CCDC30: variants seen among roughly 807,000 people sequenced by gnomAD.
CCDC30 encodes coiled-coil domain-containing protein 30.
CCDC30 carries 70 observed loss-of-function variants against 100.2 expected under a neutral mutation model. The ratio of observed to expected loss-of-function variants is 0.70; its 90% confidence interval spans 0.58 to 0.85. The LOEUF (loss-of-function observed/expected upper bound fraction) is 0.85, where lower values mean the gene tolerates loss of function less well. Among genes scored for constraint, CCDC30 ranks in the 40% least tolerant of loss-of-function variants. The probability of loss-of-function intolerance (pLI) is 0.00; values close to 1 mark genes in which losing one functional copy is unlikely to be tolerated. For missense variants in CCDC30, 652 were observed against 771.2 expected (o/e 0.85, Z 1.83); for synonymous variants, 233 against 269.5 (o/e 0.86, Z 1.33).
intron 6 of CCDC30, among the ~76,000 whole-genome samples, chr1:42,520,739 C>T (rs12023747): frequency 0.25 from 35,257 of 143,614 alleles, 4,564 homozygotes; most frequent in South Asian, 0.43. Context: ...CTCCTGGGTT[C>T]ATGCCATTCT....
At chr1:42,524,551 CT>C (rs1446003494) in intron 6 of CCDC30, among the ~76,000 whole-genome samples, 1 of 151,566 alleles carries the variant, frequency 6.6e-6, no homozygotes, top group Non-Finnish European at 1.5e-5. Flanking sequence ...CCACCTGACT[CT>C]GTCTGTACCT....
At chr1:42,588,459 T>C (rs921330910) in intron 9 of CCDC30, among the ~76,000 whole-genome samples, 3 of 152,190 alleles carry the variant, frequency 2.0e-5, no homozygotes, top group African/African-American at 4.8e-5. Flanking sequence ...GAAGCTTATA[T>C]ACCCATTTCC....
intron 10 of CCDC30, among the ~76,000 whole-genome samples, chr1:42,607,732 A>G (rs1411644195): frequency 6.6e-6 from 1 of 152,156 alleles, no homozygotes; most frequent in Non-Finnish European, 1.5e-5. Flanking sequence ...AGGGATATCT[A>G]TGAAGCTTCT....
intron 11 of CCDC30, among the ~76,000 whole-genome samples, chr1:42,629,400 T>C (rs1646991689): frequency 6.6e-6 from 1 of 152,232 alleles, no homozygotes; most frequent in Admixed American, 6.5e-5. Context: ...GCCAGACATA[T>C]TGGAGTTCTA....
At chr1:42,545,161 TTA>T (rs1491558696) in intron 6 of CCDC30, among the ~76,000 whole-genome samples, 1,075 of 64,872 alleles carry the variant, frequency 0.017, 42 homozygotes, top group East Asian at 0.036. Flanking sequence ...AAAAATACCT[TTA>T]AAAAAAAAAA....
chr1:42,522,814 A>G (rs913161360), intron 6 of CCDC30, among the ~76,000 whole-genome samples: 21 of 152,204 alleles, frequency 1.4e-4, no homozygotes, highest in Non-Finnish European at 1.5e-5. Flanking sequence ...TCTTAAATAT[A>G]TTCTTTCTTA....
At chr1:42,601,773 A>G (rs1046962364) in intron 10 of CCDC30, among the ~76,000 whole-genome samples, 4 of 152,230 alleles carry the variant, frequency 2.6e-5, no homozygotes, top group African/African-American at 9.6e-5. Context: ...GAAGACAAAG[A>G]TGTAAGCCCA....
Position 42,550,844 on chromosome 1 carries a change from T to C in CCDC30, c.457-15452T>C, listed in dbSNP as rs984382259. 1.1e-4 allele frequency among the ~76,000 whole-genome samples: 16 copies of C among 152,318 alleles called. No homozygotes were observed. The South Asian group carries it at 3.3e-3, about 32-fold the overall frequency. On this transcript the variant is annotated intron_variant, in intron 6 of 16. Transcript: ENST00000668663. ...AGTAGTGCTTGTCATATAGTTGATA[T>C]TCAACATATATTTGACAAATAAATG... is the stretch of plus-strand genomic sequence containing the variant.
At chr1:42,460,812 GA>G (rs1643390760), upstream of CCDC30, among the ~76,000 whole-genome samples, 1 of 152,208 alleles carries the variant, frequency 6.6e-6, no homozygotes, top group Non-Finnish European at 1.5e-5. Context: ...TTATTGTGAG[GA>G]TCAAATGAAA....
chr1:42,593,012 G>T (rs72953761), intron 10 of CCDC30: 1 of 152,122 alleles, frequency 6.6e-6, no homozygotes, highest in Non-Finnish European at 1.5e-5. Context: ...CCAGTTATGT[G>T]AGTTTTTCCC....
intron 4 of CCDC30, among the ~76,000 whole-genome samples, chr1:42,491,486 G>T (rs553111173): frequency 9.6e-5 from 14 of 146,388 alleles, no homozygotes; most frequent in Non-Finnish European, 1.8e-4. Context: ...TTCAGTGGGA[G>T]GTGGGGAATG....
intron 1 of CCDC30, among the ~76,000 whole-genome samples, chr1:42,480,027 G>T (rs929292815): frequency 6.6e-6 from 1 of 152,132 alleles, no homozygotes; most frequent in Non-Finnish European, 1.5e-5. Flanking sequence ...CCGAGTAACT[G>T]ATGGCTAGGC....
intron 6 of CCDC30, among the ~76,000 whole-genome samples, chr1:42,546,402 ATATATATATATATATATAT>A (rs1201753639): frequency 0.23 from 5,959 of 25,716 alleles, 916 homozygotes; most frequent in African/African-American, 0.37. Flanking sequence ...AAAAAAAAAT[ATATATATATATATATATAT>A]ATATATATAT....
intron 6 of CCDC30, among the ~76,000 whole-genome samples, chr1:42,555,577 T>C (rs1166371347): frequency 6.6e-6 from 1 of 152,210 alleles, no homozygotes; most frequent in Non-Finnish European, 1.5e-5. Flanking sequence ...ATACTAAAAG[T>C]TGAAAAAGTA....
At chr1:42,620,049 C>T (rs1048635252) in intron 11 of CCDC30, among the ~76,000 whole-genome samples, 1 of 152,140 alleles carries the variant, frequency 6.6e-6, no homozygotes, top group Non-Finnish European at 1.5e-5. Context: ...TATATCTCAT[C>T]AGGAGAAATC....
chr1:42,548,005 G>A (rs766225027), intron 6 of CCDC30, among the ~76,000 whole-genome samples: 5 of 152,172 alleles, frequency 3.3e-5, no homozygotes, highest in Non-Finnish European at 4.4e-5. Flanking sequence ...CAGGGGCCAA[G>A]CAAAAAGATG....
intron 7 of CCDC30, among the ~76,000 whole-genome samples, chr1:42,567,498 G>A (rs1645631488): frequency 6.6e-6 from 1 of 152,126 alleles, no homozygotes; most frequent in African/African-American, 2.4e-5. Flanking sequence ...AGATATAGAG[G>A]AAAACAAATA....
chr1:42,534,640 A>G (rs1354020663), intron 6 of CCDC30, among the ~76,000 whole-genome samples: 1 of 152,204 alleles, frequency 6.6e-6, no homozygotes, highest in African/African-American at 2.4e-5. Context: ...AGTTTGATTA[A>G]TTCAGAACAA....
chr1:42,595,021 T>C lies in CCDC30; in HGVS notation c.1164+5538T>C, dbSNP rs1013855593. The stretch of plus-strand genomic sequence containing the variant: ...GTCTTCCGTAGGTAATTTCGCTGTT[T>C]TTTTTTTTCAGATTGGTTTTTCTGC... On this transcript the variant is annotated intron_variant, in intron 10 of 16. Transcript: ENST00000668663. 12 of 151,988 alleles carry C rather than the reference T, an allele frequency of 7.9e-5. No homozygotes were observed. In the East Asian group the frequency reaches 2.1e-3, roughly 27 times the overall value. 9.4% of individuals were successfully genotyped at this position (151,988 alleles called of 1,614,324 possible). A position where few individuals can be genotyped will look rare whatever the true frequency, so the allele number is the denominator to read the frequency against.
Sources: gnomAD v4.1 joint callset for allele counts (sites outside exome capture counted in the v4.1 genomes callset) on GRCh38, gnomAD v4.1.1 for gene constraint, MANE v1.5 for transcripts, NCBI Gene and HGNC (gene_info 2026-07-23, HGNC 2026-07-21) for gene names.